Variants in NRXN1 observed in about 807,000 individuals in gnomAD.
NRXN1 encodes neurexin 1.
In NRXN1, 39 loss-of-function variants were observed where a neutral mutation model predicts 150.9. The observed-to-expected ratio is 0.26, with a 90% CI of 0.20 to 0.34. The LOEUF is 0.34. NRXN1 is among the 10% of genes least tolerant of loss of function. NRXN1 has a pLI of 1.00. For synonymous variants in NRXN1, 924 were observed against 757.0 expected, an observed-to-expected ratio of 1.22 and a Z score of -3.62; for missense variants, 1,815 against 1,949.9, an observed-to-expected ratio of 0.93 and a Z score of 1.30.
At chr2:50,564,229 C>T (rs1325438985) in intron 8 of NRXN1, among the ~76,000 whole-genome samples, 1 of 152,142 alleles carries the variant, frequency 6.6e-6, no homozygotes, top group African/African-American at 2.4e-5. Context: ...TATTTAAGCA[C>T]ATAAGTACTT....
chr2:50,428,027 T>C (rs1448800322), intron 17 of NRXN1, among the ~76,000 whole-genome samples: 2 of 152,194 alleles, frequency 1.3e-5, no homozygotes, highest in African/African-American at 4.8e-5. Flanking sequence ...CTCTTCTTTA[T>C]AGGCAATCTT....
chr2:50,035,552 C>G (rs537733165), intron 21 of NRXN1, among the ~76,000 whole-genome samples: 3 of 152,050 alleles, frequency 2.0e-5, no homozygotes, highest in African/African-American at 7.2e-5. Flanking sequence ...GAGGAAAAAA[C>G]AATGACCTTC....
At chr2:50,823,954 A>G (rs1380852022) in intron 5 of NRXN1, among the ~76,000 whole-genome samples, 1 of 152,162 alleles carries the variant, frequency 6.6e-6, no homozygotes, top group Non-Finnish European at 1.5e-5. Flanking sequence ...CCCAACATCT[A>G]TGGTAAGCCT....
chr2:50,640,762 G>A (rs182979064), intron 5 of NRXN1, among the ~76,000 whole-genome samples: 1 of 152,262 alleles, frequency 6.6e-6, no homozygotes, highest in Admixed American at 6.5e-5. Flanking sequence ...TCCCTAATTA[G>A]CTAAATTCAG....
In NRXN1 at chr2:50,292,958, A is replaced by T. The variant is rs1368515788; in HGVS notation, c.3365-55988T>A. On this transcript the variant is annotated intron_variant, in intron 17 of 22. Transcript: ENST00000401669. ...TGGCGACCTCAATAAATATTAGTGAAACGAATTGAGCTGGTTCGATATAAA... is the reference window on the plus strand; with the variant it reads ...TGGCGACCTCAATAAATATTAGTGATACGAATTGAGCTGGTTCGATATAAA... 4.6e-5 allele frequency among the ~76,000 whole-genome samples: 7 copies of T among 152,320 alleles called. No homozygotes were observed. In the South Asian group the frequency reaches 1.4e-3, roughly 32 times the overall value.
intron 17 of NRXN1, among the ~76,000 whole-genome samples, chr2:50,280,277 C>CAA (rs4032052): frequency 3.4e-4 from 42 of 122,824 alleles, no homozygotes; most frequent in East Asian, 1.2e-3. Context: ...GAATCAGTCT[C>CAA]AAAAAAAAAA....
intron 17 of NRXN1, among the ~76,000 whole-genome samples, chr2:50,392,252 G>A (rs1048400635): frequency 1.3e-5 from 2 of 152,100 alleles, no homozygotes; most frequent in Non-Finnish European, 2.9e-5. Context: ...TTCTCAGGTA[G>A]GCTTTTTATA....
At chr2:50,503,327 G>A (rs1479357465) in intron 13 of NRXN1, among the ~76,000 whole-genome samples, 6 of 149,224 alleles carry the variant, frequency 4.0e-5, no homozygotes, top group African/African-American at 1.2e-4. Flanking sequence ...AAAAAAAAAA[G>A]AAAGAAAGAA....
chr2:50,264,828 G>A (rs948177193), intron 17 of NRXN1, among the ~76,000 whole-genome samples: 9 of 152,046 alleles, frequency 5.9e-5, no homozygotes, highest in African/African-American at 2.2e-4. Context: ...GTGGGAACAA[G>A]ACCATGAGTC....
intron 2 of NRXN1, among the ~76,000 whole-genome samples, chr2:51,005,854 A>G (rs1700648750): frequency 2.0e-5 from 3 of 151,894 alleles, no homozygotes; most frequent in Admixed American, 2.0e-4. Flanking sequence ...TGAGTGGATT[A>G]AAACAAAAAT....
intron 17 of NRXN1, among the ~76,000 whole-genome samples, chr2:50,252,233 C>CTTTTTTTTTTTTTT (rs55993018): frequency 5.3e-5 from 5 of 94,898 alleles, no homozygotes; most frequent in East Asian, 3.2e-4. Context: ...ACATTTTGTC[C>CTTTTTTTTTTTTTT]TTTTTTTTTT....
intron 17 of NRXN1, among the ~76,000 whole-genome samples, chr2:50,373,651 AAAG>A (rs1159190456): frequency 1.8e-3 from 180 of 101,718 alleles, no homozygotes; most frequent in East Asian, 6.2e-3. Flanking sequence ...AGAAAGAAAG[AAAG>A]AAAGAAAGAA....
At chr2:50,506,859 G>C (rs552925695) in intron 12 of NRXN1, 4 of 474,092 alleles carry the variant, frequency 8.4e-6, no homozygotes, top group Middle Eastern at 1.2e-3. Context: ...AAACATTCAG[G>C]TGTGACCATT....
At chr2:50,963,230 G>A (rs1346971779) in intron 2 of NRXN1, among the ~76,000 whole-genome samples, 1 of 151,462 alleles carries the variant, frequency 6.6e-6, no homozygotes, top group African/African-American at 2.4e-5. Flanking sequence ...TATTAAGATT[G>A]TTCTGATGTT....
At chr2:50,448,764 GC>G (rs2086697290) in intron 17 of NRXN1, among the ~76,000 whole-genome samples, 1 of 152,148 alleles carries the variant, frequency 6.6e-6, no homozygotes, top group African/African-American at 2.4e-5. Flanking sequence ...TGCTTTGGCA[GC>G]CGACAATCCA....
chr2:50,242,311 G>A (rs2066076639), intron 17 of NRXN1, among the ~76,000 whole-genome samples: 2 of 151,890 alleles, frequency 1.3e-5, no homozygotes, highest in South Asian at 4.1e-4. Flanking sequence ...TTCATAAAAA[G>A]CAAAAGCACA....
At chr2:50,778,858 T>C (rs1325697632) in intron 5 of NRXN1, among the ~76,000 whole-genome samples, 1 of 152,162 alleles carries the variant, frequency 6.6e-6, no homozygotes, top group Non-Finnish European at 1.5e-5. Context: ...AGAATCTCTA[T>C]GGATTACAAA....
intron 5 of NRXN1, among the ~76,000 whole-genome samples, chr2:50,776,763 C>A (rs1311727734): frequency 6.6e-6 from 1 of 151,818 alleles, no homozygotes; most frequent in African/African-American, 2.4e-5. Context: ...TATGGAGCTA[C>A]ACCCACAAAT....
intron 5 of NRXN1, among the ~76,000 whole-genome samples, chr2:50,760,056 T>C (rs1337914750): frequency 1.3e-5 from 2 of 151,866 alleles, no homozygotes; most frequent in Non-Finnish European, 2.9e-5. Flanking sequence ...AAACTCTATT[T>C]AGTGGTGACT....
Sources: gnomAD v4.1 joint callset for allele counts (sites outside exome capture counted in the v4.1 genomes callset) on GRCh38, gnomAD v4.1.1 for gene constraint, MANE v1.5 for transcripts, NCBI Gene and HGNC (gene_info 2026-07-23, HGNC 2026-07-21) for gene names.